CDK14: variants seen among roughly 807,000 people sequenced by gnomAD.
CDK14 encodes cyclin dependent kinase 14.
CDK14 carries 34 observed loss-of-function variants against 60.7 expected under a neutral mutation model. That is an observed-to-expected ratio of 0.56 (90% CI 0.43 to 0.75). The LOEUF (loss-of-function observed/expected upper bound fraction) is 0.75. CDK14 is among the 30% of genes least tolerant of loss of function. CDK14 has a pLI of 0.00. For synonymous variants in CDK14, 197 were observed against 203.7 expected (o/e 0.97, Z 0.28); for missense variants, 482 against 564.1 (o/e 0.85, Z 1.47).
rs546198694 is a variant in CDK14, at chr7:90,904,088, G to A, written c.702+4735G>A. Among the ~76,000 whole-genome samples the A allele has an allele frequency of 1.7e-4, 26 of 152,244 alleles. No homozygotes were observed. The South Asian group carries it at 5.4e-3, about 32-fold the overall frequency. On this transcript the variant is annotated intron_variant, in intron 7 of 14. Transcript: ENST00000380050. ...TGCTCCTCAGTCTGCCAGCAGGGGA[G>A]TGGGTGGTGACCCAGAATAAGGTGG...
At chr7:90,811,210 C>T (rs1444628463) in intron 5 of CDK14, among the ~76,000 whole-genome samples, 1 of 152,166 alleles carries the variant, frequency 6.6e-6, no homozygotes, top group African/African-American at 2.4e-5. Flanking sequence ...TACCTGACTT[C>T]AAACTATACT....
intron 14 of CDK14, among the ~76,000 whole-genome samples, chr7:91,158,636 A>T (rs1369355561): frequency 6.6e-6 from 1 of 152,228 alleles, no homozygotes. Flanking sequence ...CTGTGAAGTA[A>T]TGTGTGCTTT....
At chr7:90,777,267 T>A (rs997397360) in intron 4 of CDK14, among the ~76,000 whole-genome samples, 1 of 152,214 alleles carries the variant, frequency 6.6e-6, no homozygotes, top group Non-Finnish European at 1.5e-5. Context: ...AGTAAGGTGC[T>A]GTTTCAGTAT....
chr7:90,705,162 CTTTCT>C (rs528643793), intron 2 of CDK14, among the ~76,000 whole-genome samples: 2 of 108,178 alleles, frequency 1.8e-5, no homozygotes, highest in Non-Finnish European at 4.3e-5. Flanking sequence ...TAATTTTTTC[CTTTCT>C]TTTAGACTTA....
At chr7:90,969,360 C>T (rs1000016533) in intron 9 of CDK14, among the ~76,000 whole-genome samples, 3 of 152,224 alleles carry the variant, frequency 2.0e-5, no homozygotes, top group Admixed American at 2.0e-4. Flanking sequence ...CAGAATTCTC[C>T]TTATAGTAGG....
rs1326772592 is a variant in CDK14, at chr7:91,173,870, A to T, written c.*29-33295A>T. ...GAGATCAAACTGCAAGGCGGCAGCG[A>T]GGCTGGGGGAGGGGCACCCGCCATT... On this transcript the variant is annotated intron_variant, in intron 14 of 14. Transcript: ENST00000380050. Among the ~76,000 whole-genome samples the T allele has an allele frequency of 1.1e-4, 16 of 152,282 alleles. No homozygotes were observed. In the East Asian group the frequency reaches 2.9e-3, roughly 28 times the overall value.
intron 7 of CDK14, among the ~76,000 whole-genome samples, chr7:90,906,477 T>C (rs1380287592): frequency 6.6e-6 from 1 of 152,140 alleles, no homozygotes; most frequent in East Asian, 1.9e-4. Flanking sequence ...TTTATTATGG[T>C]GAACAATAGG....
intron 10 of CDK14, among the ~76,000 whole-genome samples, chr7:91,026,313 G>A (rs1388149085): frequency 2.6e-5 from 4 of 152,188 alleles, no homozygotes; most frequent in East Asian, 1.9e-4. Context: ...AGGCCATGCC[G>A]TGTCTACTGT....
intron 4 of CDK14, among the ~76,000 whole-genome samples, chr7:90,785,644 A>G (rs1805544135): frequency 6.6e-6 from 1 of 151,934 alleles, no homozygotes; most frequent in African/African-American, 2.4e-5. Flanking sequence ...AAAATTAGCT[A>G]GGCGTGGTGG....
At chr7:90,978,743 A>AG (rs894728767) in intron 9 of CDK14, among the ~76,000 whole-genome samples, 6 of 152,172 alleles carry the variant, frequency 3.9e-5, no homozygotes, top group African/African-American at 1.4e-4. Flanking sequence ...AGAGATTAAA[A>AG]TATCTTCAAT....
At chr7:91,083,020 G>T (rs527817026) in intron 12 of CDK14, among the ~76,000 whole-genome samples, 1 of 152,286 alleles carries the variant, frequency 6.6e-6, no homozygotes, top group African/African-American at 2.4e-5. Context: ...GTTTAAAAAT[G>T]TGAGAGGAAG....
intron 2 of CDK14, among the ~76,000 whole-genome samples, chr7:90,644,375 A>G (rs551556900): frequency 2.0e-5 from 3 of 152,338 alleles, no homozygotes; most frequent in South Asian, 2.1e-4. Flanking sequence ...GAGTTAAGTC[A>G]TATCTTTATC....
chr7:91,139,587 T>C (rs1800381527), intron 14 of CDK14, among the ~76,000 whole-genome samples: 1 of 152,198 alleles, frequency 6.6e-6, no homozygotes, highest in Middle Eastern at 3.2e-3. Context: ...TTTTACACTT[T>C]ATGTTTCCAC....
intron 3 of CDK14, among the ~76,000 whole-genome samples, chr7:90,731,491 A>G (rs951406745): frequency 4.6e-5 from 7 of 152,186 alleles, no homozygotes; most frequent in Admixed American, 2.0e-4. Context: ...ATGTTTTTCC[A>G]TTTGTTTTTG....
intron 6 of CDK14, 42 bp from the exon 7 acceptor site, chr7:90,899,249 T>C (rs1213668844): frequency 2.1e-6 from 3 of 1,439,210 alleles, no homozygotes; most frequent in Non-Finnish European, 1.9e-6. Flanking sequence ...TATTATGTTA[T>C]AGCCAGAGGG....
At chr7:90,786,470 T>G (rs1278472170) in intron 4 of CDK14, among the ~76,000 whole-genome samples, 1 of 152,202 alleles carries the variant, frequency 6.6e-6, no homozygotes, top group Non-Finnish European at 1.5e-5. Context: ...ATGTTTGAAG[T>G]TTTCATAAAA....
At chr7:91,048,391 C>T (rs1398632408) in intron 11 of CDK14, among the ~76,000 whole-genome samples, 1 of 152,196 alleles carries the variant, frequency 6.6e-6, no homozygotes, top group East Asian at 1.9e-4. Context: ...GGATTTAACC[C>T]ATTCACTAAT....
At chr7:90,608,646 A>C (rs183735807) in intron 2 of CDK14, 1 of 537,472 alleles carries the variant, frequency 1.9e-6, no homozygotes, top group African/African-American at 2.0e-5. Context: ...TGTTTATGGC[A>C]TATAATCCAG....
chr7:90,801,433 C>T (rs1047295871), intron 5 of CDK14, among the ~76,000 whole-genome samples: 6 of 152,106 alleles, frequency 3.9e-5, no homozygotes, highest in Non-Finnish European at 8.8e-5. Flanking sequence ...GACATATGAA[C>T]TGTGGCTTGT....
Sources: allele counts gnomAD v4.1 joint callset (sites outside exome capture counted in the v4.1 genomes callset), GRCh38; gene constraint gnomAD v4.1.1; transcripts MANE v1.5; gene names NCBI Gene and HGNC (gene_info 2026-07-23, HGNC 2026-07-21).